NSD3: variants seen among roughly 807,000 people sequenced by gnomAD.
NSD3 encodes histone-lysine N-methyltransferase NSD3.
Under a neutral mutation model 160.8 loss-of-function variants are expected in NSD3, and 24 were observed. The observed-to-expected ratio is 0.15, with a 90% CI of 0.11 to 0.21. NSD3 has a LOEUF of 0.21. NSD3 is among the 10% of genes least tolerant of loss of function. NSD3 has a pLI of 1.00. For synonymous variants in NSD3, 520 were observed against 600.0 expected, an observed-to-expected ratio of 0.87 and a Z score of 1.95; for missense variants, 1,157 against 1,735.9, an observed-to-expected ratio of 0.67 and a Z score of 5.93.
intron 15 of NSD3, among the ~76,000 whole-genome samples, chr8:38,296,976 A>G (rs1014512758): frequency 6.6e-6 from 1 of 152,168 alleles, no homozygotes; most frequent in African/African-American, 2.4e-5. Flanking sequence ...CAAAACTAGT[A>G]TTATCCCATT....
chr8:38,324,929 G>C (rs1809871625), intron 7 of NSD3, among the ~76,000 whole-genome samples: 1 of 152,218 alleles, frequency 6.6e-6, no homozygotes. Flanking sequence ...GAGAGGGCAT[G>C]GAAGCTCTAC....
rs1318685773 is a variant in NSD3, at chr8:38,270,710, CACTA to C, written c.*4927_*4930del. ...GCAGTAAAAGCTGAGGGTGCTTTCT[CACTA>C]ACTAGCAGATGCAGTAATGCCACAT... is the stretch of plus-strand genomic sequence containing the variant. On this transcript the variant is annotated 3_prime_UTR_variant, in exon 24 of 24. Coordinates refer to ENST00000317025, the MANE Select transcript of NSD3 (RefSeq NM_023034.2). 1 of 152,220 alleles carries C rather than the reference CACTA, an allele frequency of 6.6e-6. No individual in the cohort carries two copies. Among genetic ancestry groups the C allele is most frequent in the Non-Finnish European group, 1.5e-5 (1 of 68,036 alleles). 9.4% of individuals were successfully genotyped at this position (152,220 alleles called of 1,614,324 possible).
intron 1 of NSD3, among the ~76,000 whole-genome samples, chr8:38,358,263 C>T (rs905201044): frequency 6.6e-6 from 1 of 152,122 alleles, no homozygotes. Context: ...GATAGATGTA[C>T]ATGAGAATTT....
In NSD3 at chr8:38,304,696, C is replaced by A. The variant is rs375314675; in HGVS notation, c.2502G>T (p.Ala834=). The change falls in exon 14 of 24, where the codon GCG becomes GCT. Residue 834 remains alanine (A), a synonymous_variant. Coordinates refer to ENST00000317025, the MANE Select transcript of NSD3 (RefSeq NM_023034.2). ...VAYHSGDACI[A]AGSMLVSSYI... is the part of the protein sequence containing the mutation. ...AGGAGGATACTAACATGCTTCCGGC[C>A]GCAATGCAAGCATCTCCAGAGTGAT... is the stretch of plus-strand genomic sequence containing the variant. 6.8e-6 allele frequency: 11 copies of A among 1,613,960 alleles called. No individual in the cohort carries two copies. The highest frequency in any genetic ancestry group is 9.3e-6 in the Non-Finnish European group (11 of 1,179,964).
Position 38,304,712 on chromosome 8 carries a change from C to T in NSD3, c.2486G>A (p.Gly829Glu). The change falls in exon 14 of 24, where the codon GGA becomes GAA. Residue 829 changes from glycine (G) to glutamate (E), a missense_variant. Coordinates refer to ENST00000317025, the MANE Select transcript of NSD3 (RefSeq NM_023034.2). ...GCTTCCGGCCGCAATGCAAGCATCTCCAGAGTGATAGGCAACTGGACATCT... is the reference window on the plus strand; with the variant it reads ...GCTTCCGGCCGCAATGCAAGCATCTTCAGAGTGATAGGCAACTGGACATCT... ...CLRCPVAYHS[G>E]DACIAAGSML... The T allele has an allele frequency of 3.7e-6, 6 of 1,613,816 alleles. No homozygotes were observed. Among genetic ancestry groups the T allele is most frequent in the Non-Finnish European group, 5.1e-6 (6 of 1,179,912 alleles).
chr8:38,380,324 T>G (rs1186492220), intron 1 of NSD3, among the ~76,000 whole-genome samples: 2 of 152,218 alleles, frequency 1.3e-5, no homozygotes, highest in African/African-American at 4.8e-5. Context: ...AGCAAGCCGA[T>G]AATCTACCAC....
rs775625721 is a variant in NSD3, at chr8:38,304,752, T to C, written c.2446A>G (p.Met816Val). 5 of 1,605,736 alleles carry C rather than the reference T, an allele frequency of 3.1e-6. No homozygotes were observed. In the South Asian group the frequency reaches 3.4e-5, roughly 11 times the overall value. ...KDIHKASKGR[M>V]MRCLRCPVAY... ...ACTGGACATCTTAAACATCTCATCA[T>C]GCGGCCTGTTTAAAGACAAGTCAAA... Residue 816 changes from methionine to valine, a missense_variant, in exon 14 of 24, where the codon ATG becomes GTG. Met to Val is a conservative substitution (Grantham distance 21). Coordinates refer to ENST00000317025, the MANE Select transcript of NSD3 (RefSeq NM_023034.2).
At position 38,273,254 on chromosome 8, in the gene NSD3, C is replaced by T. The variant is rs915483801; in HGVS notation, c.*2387G>A. The T allele has an allele frequency of 6.6e-6, 1 of 152,174 alleles. No homozygotes were observed. The highest frequency in any genetic ancestry group is 1.5e-5 in the Non-Finnish European group (1 of 68,044). 9.4% of individuals were successfully genotyped at this position (152,174 alleles called of 1,614,324 possible). A position where few individuals can be genotyped will look rare whatever the true frequency, so the allele number is the denominator to read the frequency against. On this transcript the variant is annotated 3_prime_UTR_variant, in exon 24 of 24. Coordinates refer to ENST00000317025, the MANE Select transcript of NSD3 (RefSeq NM_023034.2). ...CTCATGATCTGCCCACCTCGGCCTCCCAAAGTGCTGGGATTACAGGTGTGA... is the reference window on the plus strand; with the variant it reads ...CTCATGATCTGCCCACCTCGGCCTCTCAAAGTGCTGGGATTACAGGTGTGA...
chr8:38,309,324 C>T (rs935973422), intron 12 of NSD3, among the ~76,000 whole-genome samples: 3 of 151,896 alleles, frequency 2.0e-5, no homozygotes, highest in Non-Finnish European at 4.4e-5. Context: ...AAAAATTAGT[C>T]GGGCGTGGTG....
At chr8:38,283,730 A>C (rs1314469110) in intron 19 of NSD3, among the ~76,000 whole-genome samples, 3 of 152,236 alleles carry the variant, frequency 2.0e-5, no homozygotes, top group African/African-American at 7.2e-5. Context: ...TCAGCTGCGG[A>C]GCAGTCACTA....
intron 1 of NSD3, among the ~76,000 whole-genome samples, chr8:38,364,669 C>A (rs1402558238): frequency 6.6e-6 from 1 of 152,162 alleles, no homozygotes; most frequent in Non-Finnish European, 1.5e-5. Context: ...ACCAAAATCT[C>A]TGGGCCACAT....
chr8:38,355,410 T>TA lies in NSD3; in HGVS notation c.-44-7196dup, dbSNP rs59402456. ...TGGGCATACAGAACTGCTAAAAAGT[T>TA]AAAAAAAAAAAAAAATCACTGACCT... On this transcript the variant is annotated intron_variant, in intron 1 of 23. Coordinates refer to ENST00000317025, the MANE Select transcript of NSD3 (RefSeq NM_023034.2). 5.9e-3 allele frequency among the ~76,000 whole-genome samples: 850 copies of TA among 144,066 alleles called. 3 individuals carry two copies. The highest frequency in any genetic ancestry group is 0.015 in the Middle Eastern group (4 of 270). The allele number at this position is 144,066 out of a possible 152,430, so 94.5% of individuals were successfully genotyped here. A position where few individuals can be genotyped will look rare whatever the true frequency, so the allele number is the denominator to read the frequency against.
chr8:38,373,296 C>G (rs1279624710), intron 1 of NSD3, among the ~76,000 whole-genome samples: 1 of 151,766 alleles, frequency 6.6e-6, no homozygotes, highest in Non-Finnish European at 1.5e-5. Context: ...AATCTTGGCT[C>G]TCTACAACCT....
chr8:38,306,558 G>A (rs1405361207), intron 12 of NSD3, among the ~76,000 whole-genome samples: 2 of 152,086 alleles, frequency 1.3e-5, no homozygotes, highest in Non-Finnish European at 2.9e-5. Flanking sequence ...AGGGAAATAT[G>A]CAACAAAAAT....
chr8:38,306,840 C>T (rs749437721), intron 12 of NSD3, among the ~76,000 whole-genome samples: 24 of 152,048 alleles, frequency 1.6e-4, no homozygotes, highest in Non-Finnish European at 2.9e-4. Flanking sequence ...AACGGCCAGG[C>T]GCGGTGGCTC....
chr8:38,371,369 C>T (rs1402263136), intron 1 of NSD3, among the ~76,000 whole-genome samples: 1 of 152,082 alleles, frequency 6.6e-6, no homozygotes, highest in East Asian at 1.9e-4. Context: ...TAAAAACCAA[C>T]AGGTGGTAAT....
In NSD3 at chr8:38,275,702, T is replaced by C; in HGVS notation, c.4253A>G (p.Tyr1418Cys). The change falls in exon 24 of 24, where the codon TAC (tyrosine) becomes TGC (cysteine). Residue 1418 changes from tyrosine (Y) to cysteine (C), a missense_variant. Tyr to Cys is a radical substitution (Grantham distance 194). Transcript: ENST00000317025. Reference sequence around the variant, plus strand: ...CCATTTACATTTTATCTTGCTCCAGTATTCTGGTGACACAGGAGCCATGGG... The same window carrying C: ...CCATTTACATTTTATCTTGCTCCAGCATTCTGGTGACACAGGAGCCATGGG... ...HDPMAPVSPEYWSKIKCKWES... is the reference protein window; with the variant it reads ...HDPMAPVSPECWSKIKCKWES... 1 of 1,614,238 alleles carries C rather than the reference T, an allele frequency of 6.2e-7. No individual in the cohort carries two copies. Among genetic ancestry groups the C allele is most frequent in the Non-Finnish European group, 8.5e-7 (1 of 1,180,038 alleles).
rs1413833769 is a variant in NSD3, at chr8:38,274,457, G to A, written c.*1184C>T. The A allele has an allele frequency of 6.6e-6, 1 of 152,094 alleles. No individual in the cohort carries two copies. Among genetic ancestry groups the A allele is most frequent in the Non-Finnish European group, 1.5e-5 (1 of 68,016 alleles). The allele number at this position is 152,094 out of a possible 1,614,324, so 9.4% of individuals were successfully genotyped here. On this transcript the variant is annotated 3_prime_UTR_variant, in exon 24 of 24. Transcript: ENST00000317025. Reference sequence around the variant, plus strand: ...TAGAAGTTCTTCCCCTTACTCAATGGGAGCAATCTTAAGTACTGGATAATA... The same window carrying A: ...TAGAAGTTCTTCCCCTTACTCAATGAGAGCAATCTTAAGTACTGGATAATA...
rs1809690551 is a variant in NSD3, at chr8:38,317,405, C to T, written c.1856-1363G>A. The stretch of plus-strand genomic sequence containing the variant: ...TTGGCCTAAAAGATCACTGGATTAA[C>T]AAGGAGTTTTAACAGAGGAACAGGA... On this transcript the variant is annotated intron_variant, in intron 9 of 23. Coordinates refer to ENST00000317025, the MANE Select transcript of NSD3 (RefSeq NM_023034.2). This position sits in a 1 kb window ranked among gnomAD's most constrained non-coding sequence, Gnocchi z 5.3. 5 of 1,054,864 alleles carry T rather than the reference C, an allele frequency of 4.7e-6. No individual in the cohort carries two copies. The highest frequency in any genetic ancestry group is 5.7e-6 in the Non-Finnish European group (5 of 872,794). The allele number at this position is 1,054,864 out of a possible 1,614,324, so 65.3% of individuals were successfully genotyped here.
Sources: allele counts gnomAD v4.1 joint callset (sites outside exome capture counted in the v4.1 genomes callset), GRCh38; gene constraint gnomAD v4.1.1; non-coding constraint Gnocchi (gnomAD v3.1); transcripts MANE v1.5; gene names NCBI Gene and HGNC (gene_info 2026-07-23, HGNC 2026-07-21).